The following NTRK3 variants were observed in gnomAD, a reference collection of about 807,000 sequenced individuals.
NTRK3 encodes the protein NT-3 growth factor receptor.
Under a neutral mutation model 91.7 loss-of-function variants are expected in NTRK3, and 24 were observed. The ratio of observed to expected loss-of-function variants is 0.26; its 90% CI spans 0.19 to 0.37. The LOEUF is 0.37. Ranked by LOEUF, NTRK3 falls within the 10% of genes least tolerant of loss-of-function variation. The pLI is 1.00. For synonymous variants in NTRK3, 483 were observed against 404.0 expected (o/e 1.20, Z -2.34); for missense variants, 880 against 1,068.9 (o/e 0.82, Z 2.46).
chr15:88,127,034 GTTCAA>G, intron 12 of NTRK3, 123 bp downstream of exon 12: 1 of 840,710 alleles, frequency 1.2e-6, no homozygotes. Flanking sequence ...CCTGAACGTA[GTTCAA>G]TTCATTACTT....
intron 17 of NTRK3, among the ~76,000 whole-genome samples, chr15:87,898,432 G>A (rs985124302): frequency 1.3e-5 from 2 of 152,150 alleles, no homozygotes; most frequent in Admixed American, 6.5e-5. Context: ...GTTTACAAAA[G>A]CGGGGCTTAG....
chr15:87,971,218 A>G (rs775719127), intron 14 of NTRK3, among the ~76,000 whole-genome samples: 63 of 152,180 alleles, frequency 4.1e-4, no homozygotes, highest in Non-Finnish European at 8.8e-4. Flanking sequence ...GTGGGAGGAA[A>G]CAGACTCAAG....
chr15:88,152,442 TAAG>T (rs748233596), intron 5 of NTRK3, among the ~76,000 whole-genome samples: 10 of 152,162 alleles, frequency 6.6e-5, no homozygotes, highest in Non-Finnish European at 1.5e-4. Flanking sequence ...AGTGTCCTTA[TAAG>T]AAGAGAATTA....
At chr15:88,084,534 C>G (rs916516681) in intron 13 of NTRK3, among the ~76,000 whole-genome samples, 10 of 152,166 alleles carry the variant, frequency 6.6e-5, no homozygotes, top group African/African-American at 2.4e-4. Context: ...AGTCCCTGGT[C>G]TGAGCTCAAC....
intron 13 of NTRK3, among the ~76,000 whole-genome samples, chr15:88,073,729 G>A (rs1037127641): frequency 1.3e-5 from 2 of 152,120 alleles, no homozygotes; most frequent in Admixed American, 1.3e-4. Context: ...AGGCAAGAGA[G>A]AAAATCTAAG....
chr15:88,223,367 C>T (rs2050400294), intron 3 of NTRK3, among the ~76,000 whole-genome samples: 1 of 152,248 alleles, frequency 6.6e-6, no homozygotes, highest in African/African-American at 2.4e-5. Flanking sequence ...TGCTCCCTTC[C>T]TCCCCAGAGC....
chr15:88,165,939 T>C (rs762551124), intron 5 of NTRK3, among the ~76,000 whole-genome samples: 3 of 152,230 alleles, frequency 2.0e-5, no homozygotes, highest in Non-Finnish European at 1.5e-5. Flanking sequence ...TTCTATACTA[T>C]GCAGGTGAAA....
At position 88,174,808 on chromosome 15, in the gene NTRK3, G is replaced by A. The variant is rs1352142228; in HGVS notation, c.395+8610C>T. 2.0e-5 allele frequency among the ~76,000 whole-genome samples: 3 copies of A among 152,212 alleles called. No individual in the cohort carries two copies. In the East Asian group the frequency reaches 5.8e-4, roughly 29 times the overall value. ...CCGCCCATCTCGGGTCAGCAGCCCT[G>A]CTCAGAGCCCTCCAGCGGCACCTCC... On this transcript the variant is annotated intron_variant, in intron 5 of 18. Coordinates refer to ENST00000394480, the Ensembl canonical transcript of NTRK3.
At chr15:88,173,630 G>A (rs1262475752) in intron 5 of NTRK3, among the ~76,000 whole-genome samples, 1 of 152,226 alleles carries the variant, frequency 6.6e-6, no homozygotes, top group African/African-American at 2.4e-5. Context: ...TGCAAAGCAG[G>A]ACATGGTTTC....
At chr15:88,170,477 T>C (rs2045402618) in intron 5 of NTRK3, among the ~76,000 whole-genome samples, 1 of 152,208 alleles carries the variant, frequency 6.6e-6, no homozygotes, top group African/African-American at 2.4e-5. Flanking sequence ...AGGTTCTATG[T>C]TTGTCAAAGT....
chr15:88,129,855 C>T (rs980250939), intron 10 of NTRK3, among the ~76,000 whole-genome samples: 6 of 152,146 alleles, frequency 3.9e-5, no homozygotes, highest in Admixed American at 3.9e-4. Flanking sequence ...ACCCCTAGTA[C>T]TTCAGAATGT....
intron 5 of NTRK3, among the ~76,000 whole-genome samples, chr15:88,170,095 G>A (rs1403512315): frequency 1.3e-5 from 2 of 152,138 alleles, no homozygotes; most frequent in South Asian, 4.2e-4. Context: ...CTGAGGCAGA[G>A]AAGGCCCTCA....
At chr15:88,115,510 T>A (rs2051947732) in intron 13 of NTRK3, among the ~76,000 whole-genome samples, 1 of 152,068 alleles carries the variant, frequency 6.6e-6, no homozygotes, top group Non-Finnish European at 1.5e-5. Flanking sequence ...TGGGGCTTCA[T>A]GTCAAGGCCT....
chr15:88,184,084 G>T, intron 4 of NTRK3, 141 bp downstream of exon 4: 1 of 805,950 alleles, frequency 1.2e-6, no homozygotes, highest in Non-Finnish European at 2.1e-6. Flanking sequence ...AGTGCATATT[G>T]CCAACTCTAC....
intron 5 of NTRK3, among the ~76,000 whole-genome samples, chr15:88,171,046 C>G (rs2045467404): frequency 6.6e-6 from 1 of 152,080 alleles, no homozygotes; most frequent in African/African-American, 2.4e-5. Context: ...CGGAAAAAGC[C>G]AAAGGCAACC....
At chr15:88,098,488 G>A in intron 13 of NTRK3, 1 of 212,500 alleles carries the variant, frequency 4.7e-6, no homozygotes, top group East Asian at 7.0e-5. Context: ...AAGGCGCTTG[G>A]ACAAGGATAA....
chr15:88,120,268 C>T (rs1468176784), intron 13 of NTRK3, among the ~76,000 whole-genome samples: 2 of 152,236 alleles, frequency 1.3e-5, no homozygotes, highest in East Asian at 1.9e-4. Context: ...CAGGATTCTA[C>T]AATCCACTCA....
At chr15:88,009,587 T>C (rs1596669026) in intron 14 of NTRK3, among the ~76,000 whole-genome samples, 1 of 152,218 alleles carries the variant, frequency 6.6e-6, no homozygotes, top group East Asian at 1.9e-4. Context: ...AAAAGAATGA[T>C]ACGCTCTGCA....
At chr15:87,931,819 G>A (rs942496229) in intron 16 of NTRK3, among the ~76,000 whole-genome samples, 2 of 152,172 alleles carry the variant, frequency 1.3e-5, no homozygotes, top group African/African-American at 4.8e-5. Context: ...CCTATTGAAT[G>A]TCCCACTTCA....
Sources: allele counts gnomAD v4.1 joint callset (sites outside exome capture counted in the v4.1 genomes callset), GRCh38; gene constraint gnomAD v4.1.1; transcripts MANE v1.5; gene names NCBI Gene and HGNC (gene_info 2026-07-23, HGNC 2026-07-21).